The following HELLS variants were observed in gnomAD, a reference collection of about 807,000 sequenced individuals.
HELLS encodes the protein helicase, lymphoid specific.
A neutral mutation model predicts 120.0 loss-of-function variants in HELLS; 32 were observed. That is an observed-to-expected ratio of 0.27 (90% CI 0.20 to 0.36). HELLS has a LOEUF of 0.36. Ranked by LOEUF, HELLS falls within the 10% of genes least tolerant of loss-of-function variation. The pLI is 1.00. For synonymous variants in HELLS, 341 were observed against 323.4 expected (o/e 1.05, Z -0.58); for missense variants, 650 against 993.4 (o/e 0.65, Z 4.65).
intron 11 of HELLS, among the ~76,000 whole-genome samples, chr10:94,581,910 A>G (rs190571760): frequency 6.6e-6 from 1 of 152,344 alleles, no homozygotes; most frequent in East Asian, 1.9e-4. Flanking sequence ...TTGTTACAAG[A>G]TAAGACTAGT....
chr10:94,585,362 G>GTTTTTTTTTTTTTTTTTTTTTT (rs11288915), intron 12 of HELLS, among the ~76,000 whole-genome samples: 1 of 121,064 alleles, frequency 8.3e-6, no homozygotes, highest in Non-Finnish European at 1.8e-5. Context: ...TTTTTGTTTT[G>GTTTTTTTTTTTTTTTTTTTTTT]TTTTTTTTTT....
chr10:94,602,817 G>T (rs967726010), downstream of HELLS, among the ~76,000 whole-genome samples: 7 of 152,140 alleles, frequency 4.6e-5, no homozygotes, highest in African/African-American at 1.7e-4. Flanking sequence ...TATAGAGCAG[G>T]TTTATTTGTT....
chr10:94,597,017 A>C lies in HELLS; in HGVS notation c.2346-18A>C. 6.6e-7 allele frequency: 1 copy of C among 1,515,392 alleles called. No homozygotes were observed. The highest frequency in any genetic ancestry group is 9.1e-7 in the Non-Finnish European group (1 of 1,093,578). The allele number at this position is 1,515,392 out of a possible 1,614,324, so 93.9% of individuals were successfully genotyped here. A position where few individuals can be genotyped will look rare whatever the true frequency, so the allele number is the denominator to read the frequency against. The stretch of plus-strand genomic sequence containing the variant: ...CTTTGAATTATTCACATAGACTTGA[A>C]TATTTTGTTTTCTATAGGGAAATAA... On this transcript the variant is annotated intron_variant, in intron 20 of 21. Coordinates refer to ENST00000348459, the MANE Select transcript of HELLS (RefSeq NM_018063.5).
At chr10:94,568,202 C>T (rs895286549) in intron 6 of HELLS, among the ~76,000 whole-genome samples, 7 of 147,878 alleles carry the variant, frequency 4.7e-5, no homozygotes, top group Non-Finnish European at 7.5e-5. Flanking sequence ...GCCACCGCGC[C>T]TGGCCCTTTT....
At chr10:94,587,014 A>G (rs779495112) in intron 12 of HELLS, among the ~76,000 whole-genome samples, 20 of 151,970 alleles carry the variant, frequency 1.3e-4, no homozygotes, top group Non-Finnish European at 2.9e-4. Flanking sequence ...CAATGATTTT[A>G]ATCTAGTATT....
At chr10:94,604,632 C>A (rs78058337), downstream of HELLS, among the ~76,000 whole-genome samples, 1 of 152,240 alleles carries the variant, frequency 6.6e-6, no homozygotes, top group Non-Finnish European at 1.5e-5. Context: ...CACCTCTCAC[C>A]ACTTCAACAT....
At chr10:94,612,631 G>A (rs942354011) in exon 10 of HELLS, 3 of 152,168 alleles carry the variant, frequency 2.0e-5, no homozygotes, top group Non-Finnish European at 4.4e-5. Flanking sequence ...TTTTAAAAAT[G>A]TAAAGGGGGT....
intron 13 of HELLS, among the ~76,000 whole-genome samples, chr10:94,589,707 G>C (rs1001730428): frequency 1.4e-4 from 15 of 104,444 alleles, no homozygotes; most frequent in South Asian, 3.3e-4. Context: ...TTTTTTTTGA[G>C]ACAGAGTCTC....
Position 94,597,086 on chromosome 10 carries a change from G to A in HELLS, c.2397G>A (p.Leu799=). The A allele has an allele frequency of 6.3e-7, 1 of 1,597,558 alleles. No homozygotes were observed. Among genetic ancestry groups the A allele is most frequent in the Non-Finnish European group, 8.6e-7 (1 of 1,166,104 alleles). ...EKVISDKDLE[L]LLDRSDLIDQ... ...TCATTAGTGATAAAGATCTAGAGTTGTTGTTAGATCGAAGTGATCTTATTG... is the reference window on the plus strand; with the variant it reads ...TCATTAGTGATAAAGATCTAGAGTTATTGTTAGATCGAAGTGATCTTATTG... The change falls in exon 21 of 22, where the codon TTG becomes TTA. Residue 799 remains leucine (L), a synonymous_variant. Transcript: ENST00000348459.
intron 12 of HELLS, among the ~76,000 whole-genome samples, chr10:94,587,346 A>T (rs1245902425): frequency 6.6e-6 from 1 of 152,196 alleles, no homozygotes; most frequent in Admixed American, 6.5e-5. Flanking sequence ...AATGCATAAT[A>T]ATCATATCAT....
chr10:94,547,981 C>T (rs1977288), intron 2 of HELLS, among the ~76,000 whole-genome samples: 105,006 of 152,102 alleles, frequency 0.69, 37,001 homozygotes, highest in African/African-American at 0.83. Context: ...TGTGAATTAA[C>T]AGAATTGAGA....
chr10:94,572,672 C>A (rs1844236514), intron 7 of HELLS, among the ~76,000 whole-genome samples: 1 of 152,184 alleles, frequency 6.6e-6, no homozygotes, highest in African/African-American at 2.4e-5. Context: ...GACATGTTTT[C>A]ATACTTTCTG....
chr10:94,598,039 C>CTTA (rs150415010), intron 21 of HELLS, among the ~76,000 whole-genome samples: 6,125 of 151,020 alleles, frequency 0.041, 189 homozygotes, highest in Non-Finnish European at 0.067. Flanking sequence ...AGAATACCAC[C>CTTA]TTATGATCTG....
intron 6 of HELLS, 44 bp downstream of exon 6, chr10:94,562,920 A>G: frequency 8.5e-7 from 1 of 1,171,124 alleles, no homozygotes; most frequent in Non-Finnish European, 1.2e-6. Flanking sequence ...GATGTTGAGT[A>G]AAATGTAGGT....
chr10:94,563,874 G>A (rs1421063610), intron 6 of HELLS, among the ~76,000 whole-genome samples: 1 of 150,198 alleles, frequency 6.7e-6, no homozygotes, highest in Non-Finnish European at 1.5e-5. Context: ...GCAATGGTGC[G>A]ATCTAGGCTT....
At chr10:94,578,686 G>A (rs1221138643) in intron 10 of HELLS, among the ~76,000 whole-genome samples, 1 of 152,178 alleles carries the variant, frequency 6.6e-6, no homozygotes, top group African/African-American at 2.4e-5. Context: ...GTGAGACTGT[G>A]TCTCAAAATA....
At chr10:94,582,531 A>T (rs755918273) in intron 11 of HELLS, among the ~76,000 whole-genome samples, 13 of 152,182 alleles carry the variant, frequency 8.5e-5, no homozygotes, top group Non-Finnish European at 1.8e-4. Context: ...ATAAGCATGT[A>T]TATTATTGTC....
chr10:94,601,190 C>T (rs1447895255), intron 21 of HELLS, among the ~76,000 whole-genome samples: 1 of 152,098 alleles, frequency 6.6e-6, no homozygotes, highest in Admixed American at 6.5e-5. Flanking sequence ...CTTTTTAAAA[C>T]GTTTCTGACA....
At chr10:94,604,124 C>CTTTTTT (rs1197097813), downstream of HELLS, among the ~76,000 whole-genome samples, 1 of 130,414 alleles carries the variant, frequency 7.7e-6, no homozygotes, top group Non-Finnish European at 1.6e-5. Flanking sequence ...CCACATCTGG[C>CTTTTTT]TTTTTTTTTT....
Sources: allele counts gnomAD v4.1 joint callset (sites outside exome capture counted in the v4.1 genomes callset), GRCh38; gene constraint gnomAD v4.1.1; transcripts MANE v1.5; gene names NCBI Gene and HGNC (gene_info 2026-07-23, HGNC 2026-07-21).